Variants in LYRM4 observed in about 807,000 individuals in gnomAD.
The protein encoded by LYRM4 is LYR motif containing 4.
LYRM4 carries 9 observed loss-of-function variants against 11.7 expected under a neutral mutation model. That is an observed-to-expected ratio of 0.77 (90% CI 0.46 to 1.34). LYRM4 has a LOEUF of 1.34. Ranked by LOEUF, LYRM4 falls within the 40% of genes most tolerant of loss-of-function variation. The pLI, the probability that LYRM4 is intolerant of heterozygous loss-of-function variation, is 0.00. For missense variants in LYRM4, 133 were observed against 112.5 expected, an observed-to-expected ratio of 1.18 and a Z score of -0.82; for synonymous variants, 42 against 40.4, an observed-to-expected ratio of 1.04 and a Z score of -0.15.
the LYRM4 span, among the ~76,000 whole-genome samples, chr6:5,082,177 G>C: frequency 6.6e-6 from 1 of 152,206 alleles, no homozygotes; most frequent in African/African-American, 2.4e-5. Flanking sequence ...CAGAAATGCA[G>C]GCAGCCTGGG....
intron 2 of LYRM4, among the ~76,000 whole-genome samples, chr6:5,196,129 T>C (rs537830665): frequency 6.6e-6 from 1 of 152,224 alleles, no homozygotes; most frequent in Non-Finnish European, 1.5e-5. Context: ...TCAAGGACGC[T>C]GGGGCAACGT....
chr6:5,050,307 A>T, the LYRM4 span, among the ~76,000 whole-genome samples: 1 of 152,220 alleles, frequency 6.6e-6, no homozygotes, highest in African/African-American at 2.4e-5. Flanking sequence ...GGCAGCTTGC[A>T]AAAAGCTTGA....
chr6:5,190,812 A>C (rs1760708764), intron 2 of LYRM4, among the ~76,000 whole-genome samples: 1 of 152,184 alleles, frequency 6.6e-6, no homozygotes, highest in South Asian at 2.1e-4. Context: ...AATCTTGGGA[A>C]TTTTCAGATT....
At chr6:5,127,129 T>C (rs1458804599) in intron 2 of LYRM4, among the ~76,000 whole-genome samples, 2 of 152,180 alleles carry the variant, frequency 1.3e-5, no homozygotes, top group Non-Finnish European at 2.9e-5. Context: ...TTTGTATTTT[T>C]AGTAGAGATG....
chr6:5,037,572 CCCAG>C, the LYRM4 span, among the ~76,000 whole-genome samples: 1 of 80,502 alleles, frequency 1.2e-5, no homozygotes, highest in Non-Finnish European at 2.9e-5. Context: ...CTCCTCACTT[CCCAG>C]TAGGGGCGGC....
chr6:5,133,362 T>C (rs1014192314), intron 2 of LYRM4, among the ~76,000 whole-genome samples: 1 of 152,216 alleles, frequency 6.6e-6, no homozygotes, highest in South Asian at 2.1e-4. Flanking sequence ...GCAAAAGACA[T>C]AGTTATCCTT....
At chr6:5,193,010 T>G (rs1448838947) in intron 2 of LYRM4, among the ~76,000 whole-genome samples, 1 of 152,120 alleles carries the variant, frequency 6.6e-6, no homozygotes, top group African/African-American at 2.4e-5. Context: ...GGTGACAGTG[T>G]GAGGCTCTGT....
At chr6:5,090,774 T>C in the LYRM4 span, among the ~76,000 whole-genome samples, 1 of 152,182 alleles carries the variant, frequency 6.6e-6, no homozygotes, top group Non-Finnish European at 1.5e-5. The surrounding 1 kb of genome is among the most constrained non-coding windows in gnomAD (Gnocchi z 4.8). Flanking sequence ...GGAGCATTAG[T>C]GTCGGATTCT....
chr6:5,049,430 C>T, the LYRM4 span, among the ~76,000 whole-genome samples: 1 of 152,170 alleles, frequency 6.6e-6, no homozygotes, highest in African/African-American at 2.4e-5. Context: ...TCCCTGCATC[C>T]TGCCACCCCC....
the LYRM4 span, among the ~76,000 whole-genome samples, chr6:5,051,676 C>T: frequency 1.3e-5 from 2 of 152,238 alleles, no homozygotes; most frequent in Admixed American, 1.3e-4. Context: ...GACCTGCTGT[C>T]TTAGTCTGTT....
At chr6:5,053,647 G>A in the LYRM4 span, among the ~76,000 whole-genome samples, 1 of 151,448 alleles carries the variant, frequency 6.6e-6, no homozygotes. Flanking sequence ...AAAAAAGAAA[G>A]AAAGAAAGAA....
In LYRM4 at chr6:5,245,131, T is replaced by A. The variant is rs1419964096; in HGVS notation, c.86+15517A>T. Among the ~76,000 whole-genome samples, 141 of 64,114 alleles carry A rather than the reference T, an allele frequency of 2.2e-3. 6 individuals are homozygous for A. Among genetic ancestry groups the A allele is most frequent in the Non-Finnish European group, 3.0e-3 (104 of 35,106 alleles). 42.1% of individuals were successfully genotyped at this position (64,114 alleles called of 152,430 possible). A position where few individuals can be genotyped will look rare whatever the true frequency, so the allele number is the denominator to read the frequency against. ...AAAAAAAAATATATATATATATATATATATATATATATATATATATATATA... is the reference window on the plus strand; with the variant it reads ...AAAAAAAAATATATATATATATATAAATATATATATATATATATATATATA... On this transcript the variant is annotated intron_variant, in intron 1 of 2. Coordinates refer to ENST00000330636, the MANE Select transcript of LYRM4 (RefSeq NM_020408.6).
At chr6:5,187,004 TATAAAAGAATAGTAA>T (rs1760442913) in intron 2 of LYRM4, 1 of 928,746 alleles carries the variant, frequency 1.1e-6, no homozygotes, top group Admixed American at 6.3e-5. Context: ...AAAAATTGTC[TATAAAAGAATAGTAA>T]ATGGGGCCCC....
chr6:5,234,070 C>G (rs1338060611), intron 1 of LYRM4, among the ~76,000 whole-genome samples: 2 of 152,274 alleles, frequency 1.3e-5, no homozygotes, highest in East Asian at 3.9e-4. Context: ...GCTTTAATTT[C>G]AAGTCATATT....
chr6:5,050,970 T>C, the LYRM4 span, among the ~76,000 whole-genome samples: 1 of 151,942 alleles, frequency 6.6e-6, no homozygotes, highest in Non-Finnish European at 1.5e-5. Flanking sequence ...AATGGAAATA[T>C]CAATAAAGAG....
At chr6:5,086,226 C>T in the LYRM4 span, 12 of 1,535,324 alleles carry the variant, frequency 7.8e-6, no homozygotes, top group African/African-American at 4.1e-5. Flanking sequence ...GGCCCAGGGC[C>T]GTGACCGTGC....
At chr6:5,066,890 C>T in the LYRM4 span, 67 of 1,126,616 alleles carry the variant, frequency 5.9e-5, no homozygotes, top group African/African-American at 4.7e-4. Context: ...GCTTTCGCAT[C>T]GCCGCTCCAG....
chr6:5,168,120 A>C (rs1023931178), intron 2 of LYRM4, among the ~76,000 whole-genome samples: 5 of 147,822 alleles, frequency 3.4e-5, no homozygotes, highest in Non-Finnish European at 7.4e-5. Context: ...AAAAAAAAAA[A>C]ACAAAAAACA....
At chr6:5,145,386 C>T (rs561621275) in intron 2 of LYRM4, among the ~76,000 whole-genome samples, 1 of 152,196 alleles carries the variant, frequency 6.6e-6, no homozygotes, top group African/African-American at 2.4e-5. Context: ...GCTGCGAAGT[C>T]GGCACCAGTA....
Sources: allele counts gnomAD v4.1 joint callset (sites outside exome capture counted in the v4.1 genomes callset), GRCh38; gene constraint gnomAD v4.1.1; non-coding constraint Gnocchi (gnomAD v3.1); transcripts MANE v1.5; gene names NCBI Gene and HGNC (gene_info 2026-07-23, HGNC 2026-07-21).